OTULINL: variants seen among roughly 807,000 people sequenced by gnomAD.
OTULINL encodes OTU deubiquitinase with linear linkage specificity like.
Under a neutral mutation model 43.9 loss-of-function variants are expected in OTULINL, and 42 were observed. The observed-to-expected ratio is 0.96, with a 90% confidence interval of 0.75 to 1.24. OTULINL has a LOEUF of 1.24. OTULINL is among the 50% of genes most tolerant of loss of function. The probability of loss-of-function intolerance (pLI) is 0.00; values close to 1 mark genes in which losing one functional copy is unlikely to be tolerated. For missense variants in OTULINL, 411 were observed against 426.4 expected, an observed-to-expected ratio of 0.96 and a Z score of 0.32; for synonymous variants, 172 against 153.6, an observed-to-expected ratio of 1.12 and a Z score of -0.88.
At chr5:14,609,087 C>T in intron 7 of OTULINL, 70 bp downstream of exon 7, 1 of 1,508,008 alleles carries the variant, frequency 6.6e-7, no homozygotes, top group African/African-American at 1.4e-5. Flanking sequence ...ACAGAGGTGT[C>T]TGGGGTGACT....
At position 14,613,152 on chromosome 5, in the gene OTULINL, C is replaced by A. The variant is rs1338821157; in HGVS notation, c.*2838C>A. On this transcript the variant is annotated 3_prime_UTR_variant, in exon 8 of 8. Transcript: ENST00000274217. ...TAGCCAGGCTGATCTGAACTCCTGA[C>A]CTTGGGCGATCCGCCTACCTCGGCA... 6.6e-6 allele frequency among the ~76,000 whole-genome samples: 1 copy of A among 152,152 alleles called. No individual in the cohort carries two copies. The highest frequency in any genetic ancestry group is 1.5e-5 in the Non-Finnish European group (1 of 68,034).
chr5:14,607,520 A>G lies in OTULINL; in HGVS notation c.627+62A>G. The G allele has an allele frequency of 2.5e-6, 4 of 1,593,964 alleles. No homozygotes were observed. In the South Asian group the frequency reaches 3.4e-5, roughly 14 times the overall value. On this transcript the variant is annotated intron_variant, in intron 6 of 7. Coordinates refer to ENST00000274217, the MANE Select transcript of OTULINL (RefSeq NM_019018.3). ...AAAAGCACATATCCCAGATAGAGCC[A>G]GTTTTCTCTGATGTCAGGGACATTG...
intron 1 of OTULINL, among the ~76,000 whole-genome samples, chr5:14,582,910 G>GGCTCGGTA (rs1759040124): frequency 6.6e-6 from 1 of 151,704 alleles, no homozygotes; most frequent in Admixed American, 6.6e-5. Context: ...TCCACCCGCT[G>GGCTCGGTA]GCTCGGTAGC....
In OTULINL at chr5:14,613,793, A is replaced by C. The variant is rs1759622751; in HGVS notation, c.*3479A>C. 2.0e-5 allele frequency among the ~76,000 whole-genome samples: 3 copies of C among 152,178 alleles called. No individual in the cohort carries two copies. Among genetic ancestry groups the C allele is most frequent in the Non-Finnish European group, 4.4e-5 (3 of 68,030 alleles). The stretch of plus-strand genomic sequence containing the variant: ...GACCTCCAGACTAAGCTGGTGGAGG[A>C]TGGGCTCAACCTCCATGAGAGAAGA... On this transcript the variant is annotated 3_prime_UTR_variant, in exon 8 of 8. Coordinates refer to ENST00000274217, the MANE Select transcript of OTULINL (RefSeq NM_019018.3).
rs1018992640 is a variant in OTULINL, at chr5:14,611,337, AAG to A, written c.*1026_*1027del. ...TCTTAAAAGTGGAAGAGGGAATTGG[AAG>A]AGTGTCAGAGTCAGAGGGGAATGTG... On this transcript the variant is annotated 3_prime_UTR_variant, in exon 8 of 8. Transcript: ENST00000274217. 3.3e-5 allele frequency: 5 copies of A among 152,260 alleles called. No individual in the cohort carries two copies. The highest frequency in any genetic ancestry group is 1.2e-4 in the African/African-American group (5 of 41,460). The allele number at this position is 152,260 out of a possible 1,614,324, so 9.4% of individuals were successfully genotyped here. A position where few individuals can be genotyped will look rare whatever the true frequency, so the allele number is the denominator to read the frequency against.
At chr5:14,602,937 C>G (rs953199817) in intron 5 of OTULINL, among the ~76,000 whole-genome samples, 1 of 152,194 alleles carries the variant, frequency 6.6e-6, no homozygotes, top group Non-Finnish European at 1.5e-5. Context: ...TTAATAAATG[C>G]ATAGTTTGTG....
At chr5:14,605,967 A>G (rs963830707) in intron 5 of OTULINL, among the ~76,000 whole-genome samples, 8 of 152,086 alleles carry the variant, frequency 5.3e-5, no homozygotes, top group African/African-American at 1.9e-4. Context: ...TTGTTACCCA[A>G]TTCCAAAGTC....
chr5:14,596,807 C>T (rs1759295700), intron 1 of OTULINL, among the ~76,000 whole-genome samples: 1 of 152,132 alleles, frequency 6.6e-6, no homozygotes, highest in East Asian at 1.9e-4. Context: ...TGAGGGCCTT[C>T]TTGCTGCATT....
intron 1 of OTULINL, among the ~76,000 whole-genome samples, chr5:14,588,134 T>C (rs1025718469): frequency 6.6e-6 from 1 of 152,232 alleles, no homozygotes; most frequent in African/African-American, 2.4e-5. Flanking sequence ...ATCTTTTCTG[T>C]GGTGCAAGCT....
In OTULINL at chr5:14,613,217, C is replaced by T. The variant is rs529882760; in HGVS notation, c.*2903C>T. Among the ~76,000 whole-genome samples the T allele has an allele frequency of 3.9e-5, 6 of 152,144 alleles. No individual in the cohort carries two copies. In the East Asian group the frequency reaches 5.8e-4, roughly 15 times the overall value. On this transcript the variant is annotated 3_prime_UTR_variant, in exon 8 of 8. Transcript: ENST00000274217. ...GATTACGGGTGTGAGCCACTGCGCC[C>T]GGCCCTAACAATTTTTAAGTGACAG...
At position 14,610,294 on chromosome 5, in the gene OTULINL, T is replaced by A. The variant is rs1759558819; in HGVS notation, c.1051T>A (p.Tyr351Asn). The A allele has an allele frequency of 1.2e-6, 2 of 1,612,990 alleles. No homozygotes were observed. The highest frequency in any genetic ancestry group is 1.7e-6 in the Non-Finnish European group (2 of 1,180,026). Residue 351 changes from tyrosine to asparagine, a missense_variant, in exon 8 of 8, where the codon TAC becomes AAC. Tyr to Asn is a moderately radical substitution (Grantham distance 143, BLOSUM62 -2). Coordinates refer to ENST00000274217, the MANE Select transcript of OTULINL (RefSeq NM_019018.3). ...ISLLTENDRH[Y>N]HIPVF ...CCTGCTGACCGAGAACGACCGCCAC[T>A]ACCACATTCCAGTCTTTTAAGTCCG...
At chr5:14,587,772 G>T (rs1759132171) in intron 1 of OTULINL, among the ~76,000 whole-genome samples, 1 of 152,150 alleles carries the variant, frequency 6.6e-6, no homozygotes, top group African/African-American at 2.4e-5. Flanking sequence ...TCATGATAGA[G>T]GACTTGCAGA....
rs1425462088 is a variant in OTULINL at position 14,612,586 on chromosome 5, T to C, written c.*2272T>C. ...AGGAGGTATGAGGTGTTGTGTTGTTTTGTTTGTTTTTATTCAGTTGTATAA... is the reference window on the plus strand; with the variant it reads ...AGGAGGTATGAGGTGTTGTGTTGTTCTGTTTGTTTTTATTCAGTTGTATAA... On this transcript the variant is annotated 3_prime_UTR_variant, in exon 8 of 8. Transcript: ENST00000274217. 6.6e-6 allele frequency: 1 copy of C among 152,220 alleles called. No individual in the cohort carries two copies. The highest frequency in any genetic ancestry group is 2.4e-5 in the African/African-American group (1 of 41,466). The allele number at this position is 152,220 out of a possible 1,614,324, so 9.4% of individuals were successfully genotyped here.
chr5:14,609,167 G>T, intron 7 of OTULINL, 150 bp downstream of exon 7: 2 of 813,256 alleles, frequency 2.5e-6, no homozygotes, highest in Non-Finnish European at 3.9e-6. Flanking sequence ...ATGAGGAAAA[G>T]AAGACTAATA....
chr5:14,609,621 A>AT lies in OTULINL; in HGVS notation c.898-493dup, dbSNP rs201855537. 8.4e-4 allele frequency among the ~76,000 whole-genome samples: 86 copies of AT among 102,206 alleles called. 2 individuals carry two copies. Among genetic ancestry groups the AT allele is most frequent in the East Asian group, 3.7e-3 (13 of 3,474 alleles). 67.1% of individuals were successfully genotyped at this position (102,206 alleles called of 152,430 possible). ...TTTTTTCAAGTAGCTTTTTCCTGTG[A>AT]TTTTTTTTTTTTTTTTTTTTTTTTT... is the stretch of plus-strand genomic sequence containing the variant. On this transcript the variant is annotated intron_variant, in intron 7 of 7. Coordinates refer to ENST00000274217, the MANE Select transcript of OTULINL (RefSeq NM_019018.3).
At chr5:14,600,112 C>G (rs535327651) in intron 1 of OTULINL, among the ~76,000 whole-genome samples, 2 of 152,276 alleles carry the variant, frequency 1.3e-5, no homozygotes, top group South Asian at 4.1e-4. Context: ...ATGGGAGGGA[C>G]CCAGTGGGAG....
At chr5:14,586,376 G>C (rs957047859) in intron 1 of OTULINL, among the ~76,000 whole-genome samples, 25 of 152,138 alleles carry the variant, frequency 1.6e-4, no homozygotes, top group African/African-American at 6.0e-4. Context: ...TAGACAGGTG[G>C]CCTCATGTTT....
rs934463352 is a variant in OTULINL at position 14,612,792 on chromosome 5, G to A, written c.*2478G>A. 2.6e-5 allele frequency: 4 copies of A among 152,040 alleles called. No homozygotes were observed. The highest frequency in any genetic ancestry group is 1.3e-4 in the Admixed American group (2 of 15,252). 9.4% of individuals were successfully genotyped at this position (152,040 alleles called of 1,614,324 possible). A position where few individuals can be genotyped will look rare whatever the true frequency, so the allele number is the denominator to read the frequency against. On this transcript the variant is annotated 3_prime_UTR_variant, in exon 8 of 8. Coordinates refer to ENST00000274217, the MANE Select transcript of OTULINL (RefSeq NM_019018.3). ...AAAATGGAAACATAATGCCCTCGTC[G>A]TTTTTTGATTTTAGGATAAGTTTCT...
intron 1 of OTULINL, among the ~76,000 whole-genome samples, chr5:14,596,562 T>G (rs1759292061): frequency 6.6e-6 from 1 of 152,224 alleles, no homozygotes; most frequent in African/African-American, 2.4e-5. Context: ...ATTTTCCTTT[T>G]AAAGAGTCTT....
Sources: allele counts gnomAD v4.1 joint callset (sites outside exome capture counted in the v4.1 genomes callset), GRCh38; gene constraint gnomAD v4.1.1; transcripts MANE v1.5; gene names NCBI Gene and HGNC (gene_info 2026-07-23, HGNC 2026-07-21).